Variants in MGAT5 observed in about 807,000 individuals in gnomAD.
MGAT5 encodes alpha-1,6-mannosylglycoprotein 6-beta-N-acetylglucosaminyltransferase, also known as alpha-1,6-mannosylglycoprotein 6-beta-N-acetylglucosaminyltransferase A.
Under a neutral mutation model 94.3 loss-of-function variants are expected in MGAT5, and 30 were observed. The observed-to-expected ratio is 0.32, with a 90% CI of 0.24 to 0.43. The LOEUF is 0.43. Among genes scored for constraint, MGAT5 ranks in the 20% least tolerant of loss-of-function variants. The pLI is 1.00. For missense variants in MGAT5, 691 were observed against 905.5 expected (o/e 0.76, Z 3.04); for synonymous variants, 310 against 322.9 (o/e 0.96, Z 0.43).
upstream of MGAT5, among the ~76,000 whole-genome samples, chr2:134,252,393 A>T (rs150626105): frequency 2.6e-5 from 4 of 152,290 alleles, no homozygotes; most frequent in East Asian, 7.7e-4. Context: ...TACAAGACAG[A>T]GGTTGAGCCT....
At chr2:134,177,937 G>A (rs1478956913) in intron 1 of MGAT5, among the ~76,000 whole-genome samples, 3 of 152,228 alleles carry the variant, frequency 2.0e-5, no homozygotes, top group Non-Finnish European at 4.4e-5. Flanking sequence ...AGGTGTATCG[G>A]TGTGAGGCCA....
At chr2:134,227,809 T>C (rs1017818270) in intron 1 of MGAT5, among the ~76,000 whole-genome samples, 2 of 152,106 alleles carry the variant, frequency 1.3e-5, no homozygotes, top group African/African-American at 4.8e-5. Flanking sequence ...GTTCATGAGC[T>C]TTGGAGTGGC....
At chr2:134,311,723 T>C (rs1558780648) in intron 2 of MGAT5, among the ~76,000 whole-genome samples, 1 of 152,112 alleles carries the variant, frequency 6.6e-6, no homozygotes, top group Non-Finnish European at 1.5e-5. Flanking sequence ...AGATCTCCTT[T>C]GTTCAGCAGT....
At chr2:134,387,531 A>G (rs1252587944) in intron 10 of MGAT5, among the ~76,000 whole-genome samples, 3 of 151,520 alleles carry the variant, frequency 2.0e-5, no homozygotes, top group Non-Finnish European at 4.4e-5. Context: ...CGTTGTAAGG[A>G]TTAGCTGGAA....
chr2:134,250,047 C>T, upstream of MGAT5, among the ~76,000 whole-genome samples: 1 of 151,564 alleles, frequency 6.6e-6, no homozygotes, highest in East Asian at 1.9e-4. Context: ...TTCTTTCTTT[C>T]AGGAGAATTG....
intron 2 of MGAT5, among the ~76,000 whole-genome samples, chr2:134,298,913 T>G (rs4954128): frequency 0.74 from 111,753 of 151,972 alleles, 42,031 homozygotes; most frequent in South Asian, 0.84. Context: ...AATGAAAAAG[T>G]CAAAAGAAGA....
chr2:134,301,536 CT>C (rs1686018488), intron 2 of MGAT5, among the ~76,000 whole-genome samples: 1 of 152,072 alleles, frequency 6.6e-6, no homozygotes. Context: ...AAAGAACCTA[CT>C]TTTTTTTGGT....
intron 10 of MGAT5, among the ~76,000 whole-genome samples, chr2:134,382,553 A>G (rs1225535898): frequency 6.6e-6 from 1 of 152,200 alleles, no homozygotes; most frequent in Non-Finnish European, 1.5e-5. Flanking sequence ...GAACACGAGT[A>G]TTCTAGGTGA....
chr2:134,438,464 C>G (rs1211369554), intron 14 of MGAT5, among the ~76,000 whole-genome samples: 1 of 152,228 alleles, frequency 6.6e-6, no homozygotes, highest in Admixed American at 6.5e-5. Context: ...CTCCATTGAT[C>G]ACTGTGTGCT....
intron 2 of MGAT5, among the ~76,000 whole-genome samples, chr2:134,282,127 G>A (rs1006903547): frequency 6.6e-6 from 1 of 152,216 alleles, no homozygotes; most frequent in African/African-American, 2.4e-5. Flanking sequence ...ATGACATGGT[G>A]ATGAAGATAA....
At chr2:134,396,585 T>A (rs1682723406) in intron 10 of MGAT5, among the ~76,000 whole-genome samples, 1 of 152,214 alleles carries the variant, frequency 6.6e-6, no homozygotes, top group Non-Finnish European at 1.5e-5. Flanking sequence ...CACACTTAGG[T>A]AGTCTTGGAC....
At chr2:134,120,231 G>A (rs1205163542) in exon 1 of MGAT5, 1 of 363,812 alleles carries the variant, frequency 2.7e-6, no homozygotes, top group Non-Finnish European at 4.9e-6. Context: ...CTCGCGCCTC[G>A]GGCCGCGTGG....
intron 7 of MGAT5, among the ~76,000 whole-genome samples, chr2:134,343,660 G>C (rs1212926148): frequency 6.6e-6 from 1 of 152,160 alleles, no homozygotes; most frequent in Non-Finnish European, 1.5e-5. Context: ...TAAGTATTTT[G>C]TGATGCCTCC....
At chr2:134,273,992 C>G (rs1684191585) in intron 2 of MGAT5, among the ~76,000 whole-genome samples, 1 of 152,148 alleles carries the variant, frequency 6.6e-6, no homozygotes, top group African/African-American at 2.4e-5. Context: ...TAGAATGATG[C>G]TTTGAATTTT....
At chr2:134,440,113 T>C (rs1322214043) in intron 14 of MGAT5, among the ~76,000 whole-genome samples, 3 of 152,120 alleles carry the variant, frequency 2.0e-5, no homozygotes, top group Admixed American at 2.0e-4. Context: ...GAGTCCTCCT[T>C]AGACCTGCTG....
At chr2:134,357,150 A>C (rs530186169) in intron 9 of MGAT5, among the ~76,000 whole-genome samples, 1 of 152,322 alleles carries the variant, frequency 6.6e-6, no homozygotes, top group Non-Finnish European at 1.5e-5. Flanking sequence ...TAGAATGAAC[A>C]ATATTGCCTA....
chr2:134,236,548 C>G (rs11689111), intron 1 of MGAT5, among the ~76,000 whole-genome samples: 99 of 152,128 alleles, frequency 6.5e-4, no homozygotes, highest in Admixed American at 1.5e-3. Flanking sequence ...CCTTCCCCCC[C>G]CTTTTGCTTG....
At chr2:134,399,268 C>A (rs183577408) in intron 10 of MGAT5, among the ~76,000 whole-genome samples, 110 of 152,272 alleles carry the variant, frequency 7.2e-4, no homozygotes, top group African/African-American at 2.6e-3. Flanking sequence ...ACCACTCCCC[C>A]CTGCTGTGGA....
chr2:134,193,685 G>C (rs1269143152), intron 1 of MGAT5, among the ~76,000 whole-genome samples: 1 of 119,932 alleles, frequency 8.3e-6, no homozygotes, highest in Non-Finnish European at 1.6e-5. Flanking sequence ...TTGTGTGTGT[G>C]TGTGTGTGTG....
Sources: gnomAD v4.1 joint callset for allele counts (sites outside exome capture counted in the v4.1 genomes callset) on GRCh38, gnomAD v4.1.1 for gene constraint, MANE v1.5 for transcripts, NCBI Gene and HGNC (gene_info 2026-07-23, HGNC 2026-07-21) for gene names.